Variants in NXN observed in about 807,000 individuals in gnomAD.
The protein encoded by NXN is nucleoredoxin 1.
In NXN, 16 loss-of-function variants were observed where a neutral mutation model predicts 48.6. The observed-to-expected ratio is 0.33, with a 90% CI of 0.22 to 0.50. NXN has a LOEUF of 0.50. NXN is among the 20% of genes least tolerant of loss of function. The probability of loss-of-function intolerance (pLI) is 0.98; values close to 1 mark genes in which losing one functional copy is unlikely to be tolerated. For synonymous variants in NXN, 281 were observed against 269.6 expected (o/e 1.04, Z -0.41); for missense variants, 492 against 605.5 (o/e 0.81, Z 1.97).
At chr17:966,979 G>A (rs333640) in intron 1 of NXN, among the ~76,000 whole-genome samples, 14,162 of 152,112 alleles carry the variant, frequency 0.093, 2,050 homozygotes, top group African/African-American at 0.31. Flanking sequence ...GGGAGAGGAC[G>A]GCTGAGGTCA....
At chr17:807,643 G>A (rs1911643151) in intron 5 of NXN, among the ~76,000 whole-genome samples, 1 of 152,228 alleles carries the variant, frequency 6.6e-6, no homozygotes, top group South Asian at 2.1e-4. Flanking sequence ...CTAAGACGAG[G>A]TGTGCCGGGA....
intron 5 of NXN, among the ~76,000 whole-genome samples, chr17:805,710 C>T (rs569080664): frequency 2.0e-5 from 3 of 152,216 alleles, no homozygotes; most frequent in South Asian, 2.1e-4. Context: ...TGGTGGCGGG[C>T]GCCTGTAGTC....
intron 1 of NXN, among the ~76,000 whole-genome samples, chr17:924,195 A>AC (rs2068775158): frequency 6.6e-6 from 1 of 151,622 alleles, no homozygotes; most frequent in African/African-American, 2.4e-5. Context: ...GGTGTGTATC[A>AC]CCAAACCCGA....
chr17:942,713 C>A, intron 1 of NXN, among the ~76,000 whole-genome samples: 1 of 116,478 alleles, frequency 8.6e-6, no homozygotes, highest in Non-Finnish European at 1.7e-5. Flanking sequence ...CACATCACAC[C>A]TTCCTGGATT....
chr17:950,930 C>T (rs556710012), intron 1 of NXN, among the ~76,000 whole-genome samples: 6 of 80,382 alleles, frequency 7.5e-5, no homozygotes, highest in South Asian at 3.7e-4. Context: ...TTAGGAGCTA[C>T]TGCTGTCAAC....
intron 1 of NXN, among the ~76,000 whole-genome samples, chr17:945,124 C>T (rs1167228694): frequency 1.3e-5 from 2 of 152,070 alleles, no homozygotes; most frequent in Non-Finnish European, 2.9e-5. Context: ...CTCTGTGGCC[C>T]AGGCTGGAGT....
chr17:975,415 G>C (rs1437176950), intron 1 of NXN, among the ~76,000 whole-genome samples: 4 of 152,188 alleles, frequency 2.6e-5, no homozygotes, highest in Non-Finnish European at 4.4e-5. Context: ...ACCAAATCCT[G>C]TCCCACCCAT....
Position 920,204 on chromosome 17 carries a change from C to A in NXN, c.360+59115G>T, listed in dbSNP as rs1000054489. Among the ~76,000 whole-genome samples, 7 of 152,244 alleles carry A rather than the reference C, an allele frequency of 4.6e-5. No individual in the cohort carries two copies. Among genetic ancestry groups the A allele is most frequent in the African/African-American group, 1.4e-4 (6 of 41,550 alleles). On this transcript the variant is annotated intron_variant, in intron 1 of 7. Transcript: ENST00000336868. This position sits in a 1 kb window ranked among gnomAD's most constrained non-coding sequence, Gnocchi z 4.6. ...CACGAGCCATCACGCCCAGTCTACACCCCGAAATCCAACATTACAAACTTA... is the reference window on the plus strand; with the variant it reads ...CACGAGCCATCACGCCCAGTCTACAACCCGAAATCCAACATTACAAACTTA...
At chr17:889,943 G>A (rs908418909) in intron 1 of NXN, among the ~76,000 whole-genome samples, 7 of 152,126 alleles carry the variant, frequency 4.6e-5, no homozygotes, top group East Asian at 1.9e-4. Flanking sequence ...CGTAGATCAC[G>A]TACCCCCACT....
intron 1 of NXN, among the ~76,000 whole-genome samples, chr17:879,316 G>A (rs2068258009): frequency 6.8e-6 from 1 of 147,456 alleles, no homozygotes; most frequent in African/African-American, 2.5e-5. Context: ...TTGAGACAGA[G>A]TCTCACTCTG....
chr17:957,109 C>T (rs1042788262), intron 1 of NXN, among the ~76,000 whole-genome samples: 1 of 151,140 alleles, frequency 6.6e-6, no homozygotes, highest in Admixed American at 6.6e-5. Flanking sequence ...AACATGTGAC[C>T]AGCAGGGGCC....
chr17:810,564 C>A (rs955170709), intron 5 of NXN, among the ~76,000 whole-genome samples: 8 of 152,128 alleles, frequency 5.3e-5, no homozygotes, highest in Non-Finnish European at 1.0e-4. Context: ...TCCCTCCTCC[C>A]GGCTCCCCCA....
Position 979,402 on chromosome 17 carries a change from A to C in NXN, c.277T>G (p.Ser93Ala). ...TGCCACTGCCGCTGGTCCTGGTCCG[A>C]GGACACGAAGACGATCTCCAGGCGC... ...RRRLEIVFVSSDQDQRQWQDF... is the reference protein window; with the variant it reads ...RRRLEIVFVSADQDQRQWQDF... The change falls in exon 1 of 8, where the codon TCG becomes GCG. Residue 93 changes from serine to alanine, a missense_variant. By Grantham distance (99) the Ser-to-Ala change is moderately conservative (BLOSUM62 1). Around this residue, in one of 3 missense-constraint regions of NXN, gnomAD observed 186 missense variants for 199.1 expected, o/e 0.93. Coordinates refer to ENST00000336868, the MANE Select transcript of NXN (RefSeq NM_022463.5). 1 of 1,463,948 alleles carries C rather than the reference A, an allele frequency of 6.8e-7. No homozygotes were observed. The highest frequency in any genetic ancestry group is 9.1e-7 in the Non-Finnish European group (1 of 1,100,620). The allele number at this position is 1,463,948 out of a possible 1,614,324, so 90.7% of individuals were successfully genotyped here.
intron 1 of NXN, among the ~76,000 whole-genome samples, chr17:931,140 C>T (rs184356076): frequency 3.1e-4 from 47 of 152,084 alleles, no homozygotes; most frequent in African/African-American, 9.4e-4. Flanking sequence ...TGTTGAAGTT[C>T]GCCGGGTGTG....
chr17:895,620 G>T (rs2068472216), intron 1 of NXN, among the ~76,000 whole-genome samples: 1 of 147,022 alleles, frequency 6.8e-6, no homozygotes, highest in South Asian at 2.3e-4. Context: ...AGACCATCCT[G>T]GCTAACACGG....
chr17:970,199 T>A (rs896200984), intron 1 of NXN, among the ~76,000 whole-genome samples: 1 of 152,180 alleles, frequency 6.6e-6, no homozygotes, highest in East Asian at 1.9e-4. Flanking sequence ...GTAACGGCAC[T>A]GGGCTTCTGC....
intron 1 of NXN, among the ~76,000 whole-genome samples, chr17:882,367 A>G (rs976955199): frequency 7.3e-5 from 11 of 151,708 alleles, no homozygotes; most frequent in Non-Finnish European, 1.6e-4. Context: ...TCTCTTCCTC[A>G]TTTCTGCTCA....
intron 1 of NXN, among the ~76,000 whole-genome samples, chr17:905,425 TA>T (rs1462711576): frequency 6.6e-6 from 1 of 151,464 alleles, no homozygotes; most frequent in Non-Finnish European, 1.5e-5. Context: ...CGGTTAAAAA[TA>T]AAAAAAGTGA....
chr17:916,584 A>T (rs1461294841), intron 1 of NXN, among the ~76,000 whole-genome samples: 1 of 152,216 alleles, frequency 6.6e-6, no homozygotes, highest in African/African-American at 2.4e-5. Context: ...ATCAGTTTTA[A>T]GTGTTTGGGG....
Sources: allele counts gnomAD v4.1 joint callset (sites outside exome capture counted in the v4.1 genomes callset), GRCh38; gene constraint gnomAD v4.1.1; regional missense constraint gnomAD v4.1.1; non-coding constraint Gnocchi (gnomAD v3.1); transcripts MANE v1.5; gene names NCBI Gene and HGNC (gene_info 2026-07-23, HGNC 2026-07-21).